VSIG10: variants seen among roughly 807,000 people sequenced by gnomAD.
VSIG10 encodes the protein V-set and immunoglobulin domain-containing protein 10.
In VSIG10, 48 loss-of-function variants were observed where a neutral mutation model predicts 58.7. The observed-to-expected ratio is 0.82, with a 90% CI of 0.65 to 1.04. VSIG10 has a LOEUF of 1.04. Among genes scored for constraint, VSIG10 ranks in the 50% least tolerant of loss-of-function variants. The probability of loss-of-function intolerance (pLI) is 0.00; values close to 1 mark genes in which losing one functional copy is unlikely to be tolerated. For synonymous variants in VSIG10, 260 were observed against 267.1 expected, an observed-to-expected ratio of 0.97 and a Z score of 0.26; for missense variants, 628 against 670.0, an observed-to-expected ratio of 0.94 and a Z score of 0.69.
chr12:118,079,779 G>T (rs1448640940), intron 3 of VSIG10, among the ~76,000 whole-genome samples, 173 bp from the exon 4 acceptor site: 1 of 152,140 alleles, frequency 6.6e-6, no homozygotes, highest in Non-Finnish European at 1.5e-5. Context: ...GGCTTCCTCT[G>T]TTGGGTGTTA....
rs540182638 is a variant in VSIG10, at chr12:118,064,721, T to C, written c.*1918A>G. The stretch of plus-strand genomic sequence containing the variant: ...CACAGCTATTCCTGAGGGGTGCACA[T>C]TGCAGCCCACTCTTGAGCTCCCCAG... On this transcript the variant is annotated 3_prime_UTR_variant, in exon 9 of 9. Transcript: ENST00000359236. 28 of 152,338 alleles carry C rather than the reference T, an allele frequency of 1.8e-4. No homozygotes were observed. Among genetic ancestry groups the C allele is most frequent in the Admixed American group, 6.5e-4 (10 of 15,300 alleles). The allele number at this position is 152,338 out of a possible 1,614,324, so 9.4% of individuals were successfully genotyped here.
chr12:118,089,238 T>C (rs1180259126), intron 2 of VSIG10, among the ~76,000 whole-genome samples: 2 of 152,132 alleles, frequency 1.3e-5, no homozygotes, highest in African/African-American at 2.4e-5. Flanking sequence ...CATGAGCCAC[T>C]GCACCCAGCC....
chr12:118,103,282 A>G, intron 1 of VSIG10: 1 of 291,280 alleles, frequency 3.4e-6, no homozygotes, highest in Middle Eastern at 9.7e-4. Flanking sequence ...AAAAAAAAAA[A>G]TCACTTTCCC....
Position 118,068,482 on chromosome 12 carries a change from C to G in VSIG10, c.1462G>C (p.Glu488Gln), listed in dbSNP as rs749060819. 2.5e-6 allele frequency: 4 copies of G among 1,613,672 alleles called. No individual in the cohort carries two copies. In the African/African-American group the frequency reaches 5.3e-5, roughly 22 times the overall value. Residue 488 changes from glutamate to glutamine, a missense_variant, in exon 8 of 9, where the codon GAG becomes CAG. By Grantham distance (29) the Glu-to-Gln change is conservative. Transcript: ENST00000359236. ...VGEQEGAREREELPKEIPKQD... is the reference protein window; with the variant it reads ...VGEQEGARERQELPKEIPKQD... ...TTAGGTATTTCTTTTGGCAACTCCTCTCTCTCACGTGCTCCCTCCTGTTCC... is the reference window on the plus strand; with the variant it reads ...TTAGGTATTTCTTTTGGCAACTCCTGTCTCTCACGTGCTCCCTCCTGTTCC...
chr12:118,067,262 G>A (rs1409110961), intron 8 of VSIG10, among the ~76,000 whole-genome samples: 3 of 152,022 alleles, frequency 2.0e-5, no homozygotes, highest in South Asian at 2.1e-4. Context: ...GAGCTCCAGC[G>A]ATCCACCCAC....
intron 2 of VSIG10, among the ~76,000 whole-genome samples, chr12:118,083,114 CAAAAAAAAAAAAAAAAA>C (rs61523301): frequency 3.6e-4 from 20 of 55,028 alleles, no homozygotes; most frequent in Admixed American, 5.5e-4. Context: ...CTCCGTCTCA[CAAAAAAAAAAAAAAAAA>C]AAAAAAAAAA....
rs1453330202 is a variant in VSIG10 at position 118,065,965 on chromosome 12, G to A, written c.*674C>T. On this transcript the variant is annotated 3_prime_UTR_variant, in exon 9 of 9. Coordinates refer to ENST00000359236, the MANE Select transcript of VSIG10 (RefSeq NM_019086.6). ...CATCTATTTTACAGGTGAGGAAATT[G>A]AGGCCAAGAGAGAGGTAAAGAGTCG... The A allele has an allele frequency of 6.6e-6, 1 of 152,144 alleles. No homozygotes were observed. The highest frequency in any genetic ancestry group is 2.4e-5 in the African/African-American group (1 of 41,430). The allele number at this position is 152,144 out of a possible 1,614,324, so 9.4% of individuals were successfully genotyped here. A position where few individuals can be genotyped will look rare whatever the true frequency, so the allele number is the denominator to read the frequency against.
intron 1 of VSIG10, chr12:118,103,245 C>T (rs2033664267): frequency 9.0e-6 from 2 of 222,578 alleles, no homozygotes; most frequent in East Asian, 1.1e-4. Context: ...CTACTAAAAC[C>T]AGAACGCGAA....
intron 1 of VSIG10, among the ~76,000 whole-genome samples, chr12:118,100,640 C>T (rs530735077): frequency 2.3e-4 from 35 of 152,180 alleles, no homozygotes; most frequent in Middle Eastern, 3.4e-3. Flanking sequence ...GCAATTCTCC[C>T]GCCTCAGTCT....
intron 7 of VSIG10, among the ~76,000 whole-genome samples, chr12:118,070,649 A>T (rs917258706): frequency 3.9e-5 from 6 of 152,188 alleles, no homozygotes; most frequent in African/African-American, 1.4e-4. Flanking sequence ...AAACAAATGC[A>T]TGAATGACTG....
intron 5 of VSIG10, among the ~76,000 whole-genome samples, chr12:118,073,146 C>T (rs141049625): frequency 2.4e-4 from 36 of 152,084 alleles, no homozygotes; most frequent in African/African-American, 3.6e-4. Context: ...CTAATGGTCT[C>T]GAACTCCCAA....
At chr12:118,075,138 ATATATGTG>A (rs947077420) in intron 4 of VSIG10, among the ~76,000 whole-genome samples, 4 of 137,466 alleles carry the variant, frequency 2.9e-5, no homozygotes, top group Non-Finnish European at 3.1e-5. Context: ...GTATATATGT[ATATATGTG>A]TATATGTATA....
chr12:118,084,788 A>C (rs2033069308), intron 2 of VSIG10, among the ~76,000 whole-genome samples: 1 of 152,162 alleles, frequency 6.6e-6, no homozygotes, highest in Non-Finnish European at 1.5e-5. Flanking sequence ...CTGAAGCAAG[A>C]GAATCACCTA....
intron 1 of VSIG10, among the ~76,000 whole-genome samples, chr12:118,100,342 A>G (rs1207597717): frequency 6.6e-6 from 1 of 152,038 alleles, no homozygotes; most frequent in East Asian, 1.9e-4. Flanking sequence ...CTAAAAATAC[A>G]AAAAGTTAGC....
rs780100508 is a variant in VSIG10 at position 118,095,676 on chromosome 12, A to G, written c.218T>C (p.Leu73Pro). 2 of 1,613,892 alleles carry G rather than the reference A, an allele frequency of 1.2e-6. No homozygotes were observed. Among genetic ancestry groups the G allele is most frequent in the South Asian group, 2.2e-5 (2 of 91,078 alleles). Residue 73 changes from leucine (L) to proline (P), a missense_variant, in exon 2 of 9, where the codon CTC becomes CCC. Physicochemically the swap from Leu to Pro is moderately conservative, Grantham distance 98. Transcript: ENST00000359236. ...PVFLLSSNSSLRPAEPRFSLV... is the reference protein window; with the variant it reads ...PVFLLSSNSSPRPAEPRFSLV... ...AGAGAAGCGAGGCTCAGCTGGCCGG[A>G]GGCTAGAGTTGGACGAGAGAAGGAA...
chr12:118,070,319 G>A (rs188016635), intron 7 of VSIG10, among the ~76,000 whole-genome samples: 80 of 152,146 alleles, frequency 5.3e-4, no homozygotes, highest in Admixed American at 2.0e-3. Context: ...AGGCCGAGGC[G>A]GGCAGACCAC....
At position 118,093,735 on chromosome 12, in the gene VSIG10, C is replaced by T. The variant is rs565830069; in HGVS notation, c.361+1798G>A. Among the ~76,000 whole-genome samples, 6 of 151,846 alleles carry T rather than the reference C, an allele frequency of 4.0e-5. No homozygotes were observed. In the East Asian group the frequency reaches 1.2e-3, roughly 30 times the overall value. Reference sequence around the variant, plus strand: ...ACCAGCCTGAGCAACATGGTGAAACCCCATCTCCACTAAAAATACAAAAAT... The same window carrying T: ...ACCAGCCTGAGCAACATGGTGAAACTCCATCTCCACTAAAAATACAAAAAT... On this transcript the variant is annotated intron_variant, in intron 2 of 8. Transcript: ENST00000359236.
intron 7 of VSIG10, among the ~76,000 whole-genome samples, chr12:118,070,677 T>G (rs2032455843): frequency 6.6e-6 from 1 of 152,192 alleles, no homozygotes; most frequent in Non-Finnish European, 1.5e-5. Context: ...ATGTACACAT[T>G]GTCTTTCTGT....
At position 118,095,726 on chromosome 12, in the gene VSIG10, C is replaced by T; in HGVS notation, c.168G>A (p.Trp56Ter). The T allele has an allele frequency of 6.2e-7, 1 of 1,613,860 alleles. No homozygotes were observed. Among genetic ancestry groups the T allele is most frequent in the Non-Finnish European group, 8.5e-7 (1 of 1,179,858 alleles). ...NISGLRGQVTWYRNNSEPVFL... is the reference protein window; with the variant it reads ...NISGLRGQVT ...AGACAGGCTCCGAGTTGTTCCGGTACCAGGTCACCTGGCCCCTCAGTCCCG... is the reference window on the plus strand; with the variant it reads ...AGACAGGCTCCGAGTTGTTCCGGTATCAGGTCACCTGGCCCCTCAGTCCCG... Residue 56 changes from tryptophan (W) to a stop codon, truncating the protein, a stop_gained, in exon 2 of 9, where the codon TGG (tryptophan) becomes TGA (stop). Transcript: ENST00000359236. LOFTEE classifies it high-confidence loss of function.
Sources: allele counts gnomAD v4.1 joint callset (sites outside exome capture counted in the v4.1 genomes callset), GRCh38; gene constraint gnomAD v4.1.1; transcripts MANE v1.5; gene names NCBI Gene and HGNC (gene_info 2026-07-23, HGNC 2026-07-21).